Variants in DPP6 observed in about 807,000 individuals in gnomAD.
The protein encoded by DPP6 is dipeptidyl peptidase like 6.
DPP6 carries 69 observed loss-of-function variants against 122.6 expected under a neutral mutation model. The ratio of observed to expected loss-of-function variants is 0.56; its 90% CI spans 0.46 to 0.69. The LOEUF (loss-of-function observed/expected upper bound fraction) is 0.69, where lower values mean the gene tolerates loss of function less well. DPP6 is among the 30% of genes least tolerant of loss of function. The pLI, the probability that DPP6 is intolerant of heterozygous loss-of-function variation, is 0.00. For synonymous variants in DPP6, 418 were observed against 433.1 expected, an observed-to-expected ratio of 0.97 and a Z score of 0.43; for missense variants, 928 against 1,116.9, an observed-to-expected ratio of 0.83 and a Z score of 2.41.
At chr7:154,144,776 A>G (rs950039177) in intron 1 of DPP6, among the ~76,000 whole-genome samples, 130 of 152,034 alleles carry the variant, frequency 8.6e-4, no homozygotes, top group African/African-American at 2.9e-3. Flanking sequence ...TGACATCCTT[A>G]TAAGAAGAGG....
At chr7:154,060,782 G>T (rs10257667) in intron 1 of DPP6, among the ~76,000 whole-genome samples, 3 of 116,058 alleles carry the variant, frequency 2.6e-5, no homozygotes, top group Admixed American at 8.5e-5. Flanking sequence ...TGGCTCTTAG[G>T]ACGCCCATCA....
chr7:154,332,609 G>T (rs916164095), intron 1 of DPP6, among the ~76,000 whole-genome samples: 4 of 152,192 alleles, frequency 2.6e-5, no homozygotes, highest in Non-Finnish European at 5.9e-5. Context: ...TTGCCAAAGC[G>T]TTTAGATAGG....
At chr7:154,114,049 A>G (rs75893511) in intron 1 of DPP6, among the ~76,000 whole-genome samples, 8,429 of 152,000 alleles carry the variant, frequency 0.055, 288 homozygotes, top group Middle Eastern at 0.15. Context: ...TGCGGATGAC[A>G]TGATCTTATG....
chr7:153,871,946 T>C, the DPP6 span, among the ~76,000 whole-genome samples: 1 of 152,360 alleles, frequency 6.6e-6, no homozygotes, highest in South Asian at 2.1e-4. Flanking sequence ...GCTGCGAATA[T>C]GGACTGCAGG....
intron 7 of DPP6, among the ~76,000 whole-genome samples, chr7:154,712,587 G>A (rs910282326): frequency 2.6e-5 from 4 of 152,166 alleles, no homozygotes; most frequent in Non-Finnish European, 5.9e-5. Context: ...TACAATCATG[G>A]CAGAAGACAC....
intron 1 of DPP6, among the ~76,000 whole-genome samples, chr7:154,194,575 G>T (rs901890285): frequency 1.3e-5 from 2 of 152,156 alleles, no homozygotes; most frequent in African/African-American, 4.8e-5. Context: ...TGCCCTTTCT[G>T]CCATGGAATG....
the DPP6 span, among the ~76,000 whole-genome samples, chr7:153,814,648 A>C: frequency 6.6e-6 from 1 of 152,204 alleles, no homozygotes; most frequent in Non-Finnish European, 1.5e-5. Context: ...GGGCAGAGAC[A>C]CAACCAAAAA....
intron 2 of DPP6, among the ~76,000 whole-genome samples, chr7:154,447,143 TAA>T (rs1303618796): frequency 6.6e-6 from 1 of 152,030 alleles, no homozygotes; most frequent in Non-Finnish European, 1.5e-5. Context: ...TCGTCTCTAC[TAA>T]AAATACAAAA....
intron 1 of DPP6, among the ~76,000 whole-genome samples, chr7:154,365,305 G>A (rs1192709822): frequency 1.3e-5 from 2 of 152,166 alleles, no homozygotes; most frequent in East Asian, 1.9e-4. Context: ...AAACTTTATA[G>A]CACTAGAACC....
intron 12 of DPP6, 118 bp downstream of exon 12, chr7:154,796,001 C>G: frequency 7.0e-7 from 1 of 1,428,490 alleles, no homozygotes; most frequent in Non-Finnish European, 9.3e-7. Context: ...CAGGGCTCCC[C>G]AGGCAGAAAC....
At chr7:154,758,121 T>A (rs1165698092) in intron 8 of DPP6, among the ~76,000 whole-genome samples, 2 of 152,236 alleles carry the variant, frequency 1.3e-5, no homozygotes, top group Non-Finnish European at 2.9e-5. Context: ...GCCTGTGCCC[T>A]GTCCTGGGAA....
chr7:153,857,818 T>A, the DPP6 span, among the ~76,000 whole-genome samples: 1 of 152,216 alleles, frequency 6.6e-6, no homozygotes, highest in Non-Finnish European at 1.5e-5. Context: ...TGCTAAAACC[T>A]CTTTAAGAAC....
chr7:154,390,929 C>G (rs1475439255), intron 1 of DPP6, among the ~76,000 whole-genome samples: 1 of 152,134 alleles, frequency 6.6e-6, no homozygotes, highest in South Asian at 2.1e-4. Context: ...ATCGTACAGT[C>G]GTCAGAAGGG....
chr7:153,862,335 G>A, the DPP6 span, among the ~76,000 whole-genome samples: 3 of 152,176 alleles, frequency 2.0e-5, no homozygotes, highest in African/African-American at 4.8e-5. Context: ...TTTGGCCACC[G>A]CCATGGACTG....
intron 1 of DPP6, among the ~76,000 whole-genome samples, chr7:154,333,277 T>C (rs1168365692): frequency 6.6e-6 from 1 of 152,096 alleles, no homozygotes; most frequent in Non-Finnish European, 1.5e-5. Context: ...TTGAGTGTTA[T>C]TGGACTTTGA....
chr7:154,515,544 C>T lies in DPP6; in HGVS notation c.458-24988C>T, dbSNP rs186872616. On this transcript the variant is annotated intron_variant, in intron 3 of 25. Transcript: ENST00000377770. ...AGGCTGGAGTGCAGTGGTGCGCTCT[C>T]GGCTCACTGCAACCTCTGTCTCCTG... is the stretch of plus-strand genomic sequence containing the variant. 5.1e-4 allele frequency among the ~76,000 whole-genome samples: 77 copies of T among 152,038 alleles called. No homozygotes were observed. In the East Asian group the frequency reaches 8.7e-3, roughly 17 times the overall value.
chr7:154,798,114 C>G (rs1273271545), intron 12 of DPP6, among the ~76,000 whole-genome samples: 1 of 152,198 alleles, frequency 6.6e-6, no homozygotes, highest in Admixed American at 6.5e-5. Flanking sequence ...CACTCTGCTT[C>G]CCTGTCCCCC....
intron 1 of DPP6, among the ~76,000 whole-genome samples, chr7:154,370,123 C>T (rs1015054380): frequency 7.9e-5 from 12 of 152,042 alleles, no homozygotes; most frequent in African/African-American, 2.7e-4. Flanking sequence ...GCTGGGATTA[C>T]AGGAACCCAC....
chr7:154,807,139 A>G (rs761067381), intron 16 of DPP6, 27 bp downstream of exon 16: 14 of 1,608,500 alleles, frequency 8.7e-6, no homozygotes, highest in Non-Finnish European at 1.2e-5. Context: ...CCGTCAGGGC[A>G]AAGAGCCCTG....
Sources: allele counts gnomAD v4.1 joint callset (sites outside exome capture counted in the v4.1 genomes callset), GRCh38; gene constraint gnomAD v4.1.1; transcripts MANE v1.5; gene names NCBI Gene and HGNC (gene_info 2026-07-23, HGNC 2026-07-21).